The following CXCR2 variants were observed in gnomAD, a reference collection of about 807,000 sequenced individuals.
CXCR2 encodes C-X-C motif chemokine receptor 2, also known as C-X-C chemokine receptor type 2.
In CXCR2, 2 loss-of-function variants were observed where a neutral mutation model predicts 3.7. The observed-to-expected ratio is 0.55, with a 90% CI of 0.22 to 1.72. The LOEUF (loss-of-function observed/expected upper bound fraction) is 1.72, where lower values mean the gene tolerates loss of function less well. Ranked by LOEUF, CXCR2 falls within the 40% of genes most tolerant of loss-of-function variation. The probability of loss-of-function intolerance (pLI) is 0.19; values close to 1 mark genes in which losing one functional copy is unlikely to be tolerated. For synonymous variants in CXCR2, 203 were observed against 193.3 expected (o/e 1.05, Z -0.41); for missense variants, 351 against 450.1 (o/e 0.78, Z 1.99).
chr2:218,126,609 G>GTGACTAA (rs1559450268), intron 1 of CXCR2, among the ~76,000 whole-genome samples: 1 of 152,182 alleles, frequency 6.6e-6, no homozygotes, highest in African/African-American at 2.4e-5. Context: ...AATGTGACTA[G>GTGACTAA]TGTGACTGCG....
Position 218,135,423 on chromosome 2 carries a change from C to T in CXCR2, c.622C>T (p.Arg208Trp), listed in dbSNP as rs768791823. The change falls in exon 3 of 3, where the codon CGG (arginine) becomes TGG (tryptophan). Residue 208 changes from arginine (R) to tryptophan (W), a missense_variant. By Grantham distance (101) the Arg-to-Trp change is moderately radical. Coordinates refer to ENST00000318507, the MANE Select transcript of CXCR2 (RefSeq NM_001557.4). This position sits in a 1 kb window ranked among gnomAD's most constrained non-coding sequence, Gnocchi z 4.0. ...CATGGGCAACAATACAGCAAACTGG[C>T]GGATGCTGTTACGGATCCTGCCCCA... Reference protein sequence around the residue: ...EDMGNNTANWRMLLRILPQSF... With the variant: ...EDMGNNTANWWMLLRILPQSF... The T allele has an allele frequency of 1.1e-5, 18 of 1,614,082 alleles. No homozygotes were observed. Among genetic ancestry groups the T allele is most frequent in the African/African-American group, 4.0e-5 (3 of 74,924 alleles).
At chr2:218,127,793 T>C (rs1025802598) in intron 1 of CXCR2, among the ~76,000 whole-genome samples, 1 of 152,212 alleles carries the variant, frequency 6.6e-6, no homozygotes, top group Non-Finnish European at 1.5e-5. Context: ...TGAGGATTAA[T>C]TGATACAAAT....
chr2:218,128,204 T>G (rs1255365423), intron 1 of CXCR2, among the ~76,000 whole-genome samples: 1 of 152,210 alleles, frequency 6.6e-6, no homozygotes, highest in African/African-American at 2.4e-5. Flanking sequence ...GTCATCTGCC[T>G]CTCTCCATAT....
At chr2:218,131,798 A>C (rs1343033287) in intron 2 of CXCR2, among the ~76,000 whole-genome samples, 1 of 151,412 alleles carries the variant, frequency 6.6e-6, no homozygotes, top group African/African-American at 2.4e-5. Context: ...ATAGTACATT[A>C]CAACTGATTG....
rs1416011928 is a variant in CXCR2 at position 218,134,881 on chromosome 2, C to T, written c.80C>T (p.Ser27Phe). ...GATCTTAGTAATTACAGTTACAGCTCTACCCTGCCCCCTTTTCTACTAGAT... is the reference window on the plus strand; with the variant it reads ...GATCTTAGTAATTACAGTTACAGCTTTACCCTGCCCCCTTTTCTACTAGAT... ...GEDLSNYSYS[S>F]TLPPFLLDAA... Residue 27 changes from serine (S) to phenylalanine (F), a missense_variant, in exon 3 of 3, where the codon TCT (serine) becomes TTT (phenylalanine). Ser to Phe is a radical substitution (Grantham distance 155). Coordinates refer to ENST00000318507, the MANE Select transcript of CXCR2 (RefSeq NM_001557.4). The T allele has an allele frequency of 1.2e-6, 2 of 1,614,130 alleles. No homozygotes were observed. Among genetic ancestry groups the T allele is most frequent in the South Asian group, 2.2e-5 (2 of 91,082 alleles).
intron 2 of CXCR2, among the ~76,000 whole-genome samples, chr2:218,133,036 A>G (rs1690688364): frequency 6.6e-6 from 1 of 152,104 alleles, no homozygotes; most frequent in Non-Finnish European, 1.5e-5. Context: ...CCTCACCCAC[A>G]TTGTTCTTGG....
At chr2:218,125,858 G>C (rs1049035864), upstream of CXCR2, 1 of 152,630 alleles carries the variant, frequency 6.6e-6, no homozygotes, top group Non-Finnish European at 1.5e-5. Flanking sequence ...AGAGGCAGTG[G>C]GTCCCACAGT....
intron 2 of CXCR2, among the ~76,000 whole-genome samples, chr2:218,133,369 G>A (rs189810384): frequency 2.2e-5 from 3 of 138,810 alleles, no homozygotes; most frequent in African/African-American, 8.2e-5. Flanking sequence ...ATGTGATTTC[G>A]GCTCACTGCA....
rs1175361664 is a variant in CXCR2, at chr2:218,135,299, T to A, written c.498T>A (p.Cys166Ter). The change falls in exon 3 of 3, where the codon TGT (cysteine) becomes TGA (stop). Residue 166 changes from cysteine (C) to a stop codon, truncating the protein, a stop_gained. Transcript: ENST00000318507. LOFTEE classifies it low-confidence loss of function (END_TRUNC). The surrounding 1 kb of genome is among the most constrained non-coding windows in gnomAD (Gnocchi z 4.0). ...TQKRYLVKFICLSIWGLSLLL... is the reference protein window; with the variant it reads ...TQKRYLVKFI ...AGCGCTACTTGGTCAAATTCATATG[T>A]CTCAGCATCTGGGGTCTGTCCTTGC... 1 of 1,614,212 alleles carries A rather than the reference T, an allele frequency of 6.2e-7. No homozygotes were observed. Among genetic ancestry groups the A allele is most frequent in the East Asian group, 2.2e-5 (1 of 44,890 alleles).
At position 218,134,819 on chromosome 2, in the gene CXCR2, G is replaced by A. The variant is rs201134932; in HGVS notation, c.18G>A (p.Met6Ile). ...CCTCAAAAATGGAAGATTTTAACAT[G>A]GAGAGTGACAGCTTTGAAGATTTCT... MEDFN[M>I]ESDSFEDFWK... Residue 6 changes from methionine to isoleucine, a missense_variant, in exon 3 of 3, where the codon ATG (methionine) becomes ATA (isoleucine). Transcript: ENST00000318507. The A allele has an allele frequency of 2.9e-5, 46 of 1,613,032 alleles. No homozygotes were observed. Among genetic ancestry groups the A allele is most frequent in the Non-Finnish European group, 3.7e-5 (44 of 1,179,274 alleles).
chr2:218,127,315 C>T (rs556407920), intron 1 of CXCR2, among the ~76,000 whole-genome samples: 1 of 152,018 alleles, frequency 6.6e-6, no homozygotes. Context: ...TTAATAGAGG[C>T]GGGGTTTCAC....
In CXCR2 at chr2:218,135,803, G is replaced by C; in HGVS notation, c.1002G>C (p.Leu334Phe). Reference sequence around the variant, plus strand: ...TCAAGATTCTAGCTATACATGGCTTGATCAGCAAGGACTCCCTGCCCAAAG... The same window carrying C: ...TCAAGATTCTAGCTATACATGGCTTCATCAGCAAGGACTCCCTGCCCAAAG... Reference protein sequence around the residue: ...GLLKILAIHGLISKDSLPKDS... With the variant: ...GLLKILAIHGFISKDSLPKDS... The change falls in exon 3 of 3, where the codon TTG becomes TTC. Residue 334 changes from leucine to phenylalanine, a missense_variant. By Grantham distance (22) the Leu-to-Phe change is conservative. Coordinates refer to ENST00000318507, the MANE Select transcript of CXCR2 (RefSeq NM_001557.4). This position sits in a 1 kb window ranked among gnomAD's most constrained non-coding sequence, Gnocchi z 4.0. 1 of 1,614,128 alleles carries C rather than the reference G, an allele frequency of 6.2e-7. No individual in the cohort carries two copies. Among genetic ancestry groups the C allele is most frequent in the Non-Finnish European group, 8.5e-7 (1 of 1,180,020 alleles).
intron 1 of CXCR2, among the ~76,000 whole-genome samples, chr2:218,127,235 T>C (rs1182514271): frequency 1.3e-5 from 2 of 152,242 alleles, no homozygotes; most frequent in African/African-American, 4.8e-5. Flanking sequence ...CAAGCAATTC[T>C]TATGCCTCAG....
chr2:218,133,053 T>G (rs1690689234), intron 2 of CXCR2, among the ~76,000 whole-genome samples: 1 of 152,182 alleles, frequency 6.6e-6, no homozygotes, highest in South Asian at 2.1e-4. Flanking sequence ...TTGGGCATCT[T>G]TTTCTGAGTG....
At chr2:218,131,200 C>G (rs1690637226) in intron 2 of CXCR2, among the ~76,000 whole-genome samples, 1 of 152,202 alleles carries the variant, frequency 6.6e-6, no homozygotes, top group Non-Finnish European at 1.5e-5. Context: ...GTCATTTGTT[C>G]CCTTAAGAGC....
Position 218,134,739 on chromosome 2 carries a change from G to A in CXCR2, c.-25-38G>A. ...TTGAGTGGATGGGCAAGAATATGGGGAATTTATTATGCAGTAACCTTCATC... is the reference window on the plus strand; with the variant it reads ...TTGAGTGGATGGGCAAGAATATGGGAAATTTATTATGCAGTAACCTTCATC... On this transcript the variant is annotated intron_variant, in intron 2 of 2. Transcript: ENST00000318507. 3 of 1,533,832 alleles carry A rather than the reference G, an allele frequency of 2.0e-6. 1 individual carries two copies. The highest frequency in any genetic ancestry group is 2.5e-5 in the South Asian group (2 of 78,522).
At chr2:218,128,665 G>A (rs1014290803) in intron 1 of CXCR2, among the ~76,000 whole-genome samples, 7 of 152,288 alleles carry the variant, frequency 4.6e-5, no homozygotes, top group African/African-American at 1.7e-4. Flanking sequence ...TGGCTCCAAG[G>A]GTGGTAAGCT....
chr2:218,130,838 G>A (rs1351157496), intron 2 of CXCR2: 4 of 152,398 alleles, frequency 2.6e-5, no homozygotes, highest in African/African-American at 9.6e-5. Context: ...AGGAGCTGGA[G>A]GTCACTGGCC....
At chr2:218,134,558 C>G (rs977893491) in intron 2 of CXCR2, among the ~76,000 whole-genome samples, 1 of 152,182 alleles carries the variant, frequency 6.6e-6, no homozygotes, top group Admixed American at 6.5e-5. Flanking sequence ...CTAAGAATTT[C>G]TCTCTTATAT....
Sources: allele counts gnomAD v4.1 joint callset (sites outside exome capture counted in the v4.1 genomes callset), GRCh38; gene constraint gnomAD v4.1.1; non-coding constraint Gnocchi (gnomAD v3.1); transcripts MANE v1.5; gene names NCBI Gene and HGNC (gene_info 2026-07-23, HGNC 2026-07-21).